CATSPERE: variants seen among roughly 807,000 people sequenced by gnomAD.
CATSPERE encodes catsper channel auxiliary subunit epsilon.
A neutral mutation model predicts 114.1 loss-of-function variants in CATSPERE; 93 were observed. The ratio of observed to expected loss-of-function variants is 0.81; its 90% CI spans 0.69 to 0.97. The LOEUF (loss-of-function observed/expected upper bound fraction) is 0.97, where lower values mean the gene tolerates loss of function less well. CATSPERE is among the 50% of genes least tolerant of loss of function. The pLI is 0.00. For missense variants in CATSPERE, 1,058 were observed against 1,131.6 expected (o/e 0.93, Z 0.93); for synonymous variants, 341 against 384.1 (o/e 0.89, Z 1.31).
At chr1:244,528,862 C>T (rs1679146498) in intron 8 of CATSPERE, among the ~76,000 whole-genome samples, 1 of 150,330 alleles carries the variant, frequency 6.7e-6, no homozygotes, top group Admixed American at 6.6e-5. Context: ...CATCATTCTA[C>T]TCTCTATGTC....
intron 2 of CATSPERE, among the ~76,000 whole-genome samples, chr1:244,469,956 A>G (rs937533814): frequency 3.9e-5 from 6 of 152,134 alleles, no homozygotes; most frequent in Admixed American, 6.6e-5. Flanking sequence ...AAGAGAATTG[A>G]ATGGAAAAAG....
chr1:244,586,633 A>T (rs1286269068), intron 13 of CATSPERE, among the ~76,000 whole-genome samples: 1 of 152,208 alleles, frequency 6.6e-6, no homozygotes, highest in Non-Finnish European at 1.5e-5. Flanking sequence ...CAACTCTTTA[A>T]GGCCACCAAA....
chr1:244,478,106 A>T (rs1413682377), intron 4 of CATSPERE, 131 bp downstream of exon 4: 1 of 532,234 alleles, frequency 1.9e-6, no homozygotes, highest in Non-Finnish European at 3.2e-6. Flanking sequence ...ATTGTTAACT[A>T]TAAACAAGCC....
intron 6 of CATSPERE, among the ~76,000 whole-genome samples, chr1:244,495,968 C>T (rs931612043): frequency 6.6e-6 from 1 of 152,194 alleles, no homozygotes; most frequent in African/African-American, 2.4e-5. Context: ...ACATAGCGCC[C>T]AGGCGGAAGT....
At chr1:244,471,750 T>G (rs1668507743) in intron 2 of CATSPERE, among the ~76,000 whole-genome samples, 1 of 152,232 alleles carries the variant, frequency 6.6e-6, no homozygotes, top group Non-Finnish European at 1.5e-5. Flanking sequence ...TTCATTTGCA[T>G]TCTTATGCCA....
Position 244,607,875 on chromosome 1 carries a change from A to C in CATSPERE, c.2403+2081A>C, listed in dbSNP as rs1207993958. Among the ~76,000 whole-genome samples, 1 of 152,148 alleles carries C rather than the reference A, an allele frequency of 6.6e-6. No individual in the cohort carries two copies. The highest frequency in any genetic ancestry group is 2.4e-5 in the African/African-American group (1 of 41,440). ...ATGCCTATAATCCCAGCACTTTGGG[A>C]GGCTGAGGCAGGCCGATCACAAGGT... On this transcript the variant is annotated intron_variant, in intron 18 of 21. Transcript: ENST00000366534. This position sits in a 1 kb window ranked among gnomAD's most constrained non-coding sequence, Gnocchi z 4.4.
chr1:244,637,409 A>C (rs1449120890), intron 21 of CATSPERE, among the ~76,000 whole-genome samples: 1 of 151,842 alleles, frequency 6.6e-6, no homozygotes, highest in Non-Finnish European at 1.5e-5. Context: ...ACCTCCCTCT[A>C]CTGCACTTCA....
chr1:244,578,823 C>CATATATATATATAT (rs10695652), intron 11 of CATSPERE, among the ~76,000 whole-genome samples: 2,041 of 132,814 alleles, frequency 0.015, 28 homozygotes, highest in African/African-American at 0.028. Context: ...GGTGCATATA[C>CATATATATATATAT]ATATATATAT....
At chr1:244,531,404 C>T (rs1679575224) in intron 8 of CATSPERE, among the ~76,000 whole-genome samples, 1 of 152,024 alleles carries the variant, frequency 6.6e-6, no homozygotes, top group African/African-American at 2.4e-5. Flanking sequence ...ACTTGTGTTC[C>T]AGATCTTAGA....
intron 7 of CATSPERE, among the ~76,000 whole-genome samples, chr1:244,512,929 A>C (rs747885254): frequency 2.0e-5 from 3 of 152,198 alleles, no homozygotes; most frequent in Non-Finnish European, 4.4e-5. Context: ...TGTTGGGGAC[A>C]GGAGAACCAG....
At chr1:244,579,289 T>C (rs1422202115) in intron 11 of CATSPERE, among the ~76,000 whole-genome samples, 1 of 152,216 alleles carries the variant, frequency 6.6e-6, no homozygotes, top group Non-Finnish European at 1.5e-5. Flanking sequence ...ACCTTTACAT[T>C]TGTTTATATT....
chr1:244,550,898 A>AG (rs1660505158), intron 8 of CATSPERE, among the ~76,000 whole-genome samples: 1 of 152,204 alleles, frequency 6.6e-6, no homozygotes, highest in Admixed American at 6.5e-5. Flanking sequence ...TCTGCTCAGA[A>AG]ATGTTCAGTA....
chr1:244,570,621 C>T (rs1385499076), intron 10 of CATSPERE, among the ~76,000 whole-genome samples: 1 of 152,148 alleles, frequency 6.6e-6, no homozygotes, highest in Non-Finnish European at 1.5e-5. Context: ...TCTTAATTCT[C>T]ATTTTAACTT....
intron 9 of CATSPERE, among the ~76,000 whole-genome samples, chr1:244,557,400 G>T (rs1661744548): frequency 6.7e-6 from 1 of 148,192 alleles, no homozygotes; most frequent in Non-Finnish European, 1.5e-5. Context: ...TGTTTCTTCA[G>T]TTTCCTTCAT....
chr1:244,499,198 A>G (rs1225780690), intron 7 of CATSPERE, 119 bp downstream of exon 7: 1 of 602,790 alleles, frequency 1.7e-6, no homozygotes, highest in Non-Finnish European at 2.9e-6. Context: ...CTAACTAAAT[A>G]CATTTGCATG....
At chr1:244,626,958 C>T (rs1390970754) in intron 20 of CATSPERE, among the ~76,000 whole-genome samples, 4 of 152,320 alleles carry the variant, frequency 2.6e-5, no homozygotes, top group East Asian at 3.9e-4. Flanking sequence ...GGCTAACTGT[C>T]GGTGCAAGCC....
Position 244,528,785 on chromosome 1 carries a change from C to CCACGCATGCG in CATSPERE, c.536+10090_536+10091insGCATGCGCAC, listed in dbSNP as rs1553342506. ...TACTCTCCCCCACAACAATCCCCCA[C>CCACGCATGCG]CACACACACACACACACACACACAC... On this transcript the variant is annotated intron_variant, in intron 8 of 21. Transcript: ENST00000366534. Among the ~76,000 whole-genome samples the CCACGCATGCG allele has an allele frequency of 6.9e-4, 90 of 130,584 alleles. 1 individual carries two copies. Among genetic ancestry groups the CCACGCATGCG allele is most frequent in the African/African-American group, 2.5e-3 (86 of 33,914 alleles). 85.7% of individuals were successfully genotyped at this position (130,584 alleles called of 152,430 possible).
chr1:244,554,275 C>T lies in CATSPERE; in HGVS notation c.1029+1461C>T, dbSNP rs552683133. 3.7e-4 allele frequency among the ~76,000 whole-genome samples: 56 copies of T among 152,266 alleles called. 1 individual carries two copies. Among genetic ancestry groups the T allele is most frequent in the East Asian group, 3.1e-3 (16 of 5,182 alleles). On this transcript the variant is annotated intron_variant, in intron 9 of 21. Transcript: ENST00000366534. ...CCTCCATACTGTTTTTCATAGCGGT[C>T]GTACTAATTTACATTCCCACCAACA...
rs375927312 is a variant in CATSPERE at position 244,623,510 on chromosome 1, C to T, written c.2648+5824C>T. On this transcript the variant is annotated intron_variant, in intron 20 of 21. Coordinates refer to ENST00000366534, the MANE Select transcript of CATSPERE (RefSeq NM_001130957.2). ...CTTTGTAGAAAAGGCAAATTCAAAT[C>T]CCAAACATGTCACAGAAAGAATAAA... is the stretch of plus-strand genomic sequence containing the variant. 6.6e-4 allele frequency among the ~76,000 whole-genome samples: 100 copies of T among 152,254 alleles called. 1 individual carries two copies. The highest frequency in any genetic ancestry group is 2.3e-3 in the African/African-American group (94 of 41,554).
Sources: gnomAD v4.1 joint callset for allele counts (sites outside exome capture counted in the v4.1 genomes callset) on GRCh38, gnomAD v4.1.1 for gene constraint, Gnocchi (gnomAD v3.1) non-coding constraint, MANE v1.5 for transcripts, NCBI Gene and HGNC (gene_info 2026-07-23, HGNC 2026-07-21) for gene names.